The following CDH8 variants were observed in gnomAD, a reference collection of about 807,000 sequenced individuals.
The protein encoded by CDH8 is cadherin 8.
In CDH8, 17 loss-of-function variants were observed where a neutral mutation model predicts 68.1. The observed-to-expected ratio is 0.25, with a 90% CI of 0.17 to 0.37. CDH8 has a LOEUF of 0.37. CDH8 is among the 10% of genes least tolerant of loss of function. CDH8 has a pLI of 1.00. For synonymous variants in CDH8, 372 were observed against 365.1 expected (o/e 1.02, Z -0.21); for missense variants, 763 against 999.3 (o/e 0.76, Z 3.19).
At chr16:61,701,451 G>C (rs879713145) in intron 10 of CDH8, among the ~76,000 whole-genome samples, 1 of 152,084 alleles carries the variant, frequency 6.6e-6, no homozygotes, top group Non-Finnish European at 1.5e-5. Context: ...TAATGCATTT[G>C]AGATACTTTT....
At chr16:61,781,397 A>T (rs541844389) in intron 8 of CDH8, among the ~76,000 whole-genome samples, 1 of 152,238 alleles carries the variant, frequency 6.6e-6, no homozygotes, top group East Asian at 1.9e-4. Context: ...GTTAAAGACT[A>T]GCCTGGGCAA....
chr16:61,672,400 T>C (rs535380524), intron 10 of CDH8, among the ~76,000 whole-genome samples: 10 of 152,218 alleles, frequency 6.6e-5, no homozygotes, highest in Admixed American at 6.6e-4. Context: ...ACCAATCTTA[T>C]TACCTATTTG....
At chr16:61,933,873 G>C (rs977487014) in intron 2 of CDH8, among the ~76,000 whole-genome samples, 1 of 152,132 alleles carries the variant, frequency 6.6e-6, no homozygotes, top group African/African-American at 2.4e-5. Context: ...TTAATTTTAA[G>C]TAGTATAGCG....
At chr16:61,738,181 C>CTTAA (rs1959756587) in intron 8 of CDH8, among the ~76,000 whole-genome samples, 1 of 152,128 alleles carries the variant, frequency 6.6e-6, no homozygotes. Context: ...GAAAGTGACT[C>CTTAA]TTAAACAGTG....
intron 10 of CDH8, among the ~76,000 whole-genome samples, chr16:61,706,115 A>G (rs1190920271): frequency 2.6e-5 from 4 of 152,238 alleles, no homozygotes; most frequent in Admixed American, 6.5e-5. Flanking sequence ...TCCTTGAGTC[A>G]TGTGTTTGCC....
At chr16:61,791,582 C>T (rs1430928922) in intron 7 of CDH8, among the ~76,000 whole-genome samples, 1 of 151,980 alleles carries the variant, frequency 6.6e-6, no homozygotes, top group Admixed American at 6.6e-5. Flanking sequence ...TGATATTTCA[C>T]ACATCCATGC....
chr16:61,796,118 A>G (rs948523532), intron 7 of CDH8, among the ~76,000 whole-genome samples: 1 of 150,362 alleles, frequency 6.7e-6, no homozygotes, highest in Non-Finnish European at 1.5e-5. Context: ...ACATAGTACT[A>G]AAAATATGAG....
chr16:62,009,023 T>C (rs1356071567), intron 2 of CDH8, among the ~76,000 whole-genome samples: 1 of 102,540 alleles, frequency 9.8e-6, no homozygotes, highest in African/African-American at 3.0e-5. Context: ...TAGGTTCCTA[T>C]ACACACACAA....
intron 10 of CDH8, among the ~76,000 whole-genome samples, chr16:61,671,055 C>T (rs918341542): frequency 6.6e-6 from 1 of 152,044 alleles, no homozygotes; most frequent in African/African-American, 2.4e-5. Flanking sequence ...ATCCAAATTT[C>T]AACCCCATTA....
intron 8 of CDH8, among the ~76,000 whole-genome samples, chr16:61,746,405 T>C (rs1024060730): frequency 1.3e-5 from 2 of 152,000 alleles, no homozygotes; most frequent in Non-Finnish European, 2.9e-5. Flanking sequence ...CACCTCAATT[T>C]GTTTTCTTTC....
chr16:62,012,939 C>T lies in CDH8; in HGVS notation c.252+8213G>A, dbSNP rs16942589. ...CAAAACAGTGAATAGTGGTTATAGA[C>T]GTGATTTGCATTCTCTTTAAATTAA... On this transcript the variant is annotated intron_variant, in intron 2 of 11. Coordinates refer to ENST00000577390, the MANE Select transcript of CDH8 (RefSeq NM_001796.5). 9.8e-3 allele frequency among the ~76,000 whole-genome samples: 1,486 copies of T among 152,170 alleles called. 26 individuals are homozygous for T. Among genetic ancestry groups the T allele is most frequent in the African/African-American group, 0.033 (1,387 of 41,522 alleles).
Position 61,647,620 on chromosome 16 carries a change from G to T in CDH8, c.*5988C>A, listed in dbSNP as rs749118168. ...TCCCAAGAAATTAACATTTGGCTTT[G>T]GGGGGTGATCCCAATGACTCCTAAA... On this transcript the variant is annotated 3_prime_UTR_variant, in exon 12 of 12. Transcript: ENST00000577390. 2 of 551,142 alleles carry T rather than the reference G, an allele frequency of 3.6e-6. No individual in the cohort carries two copies. The highest frequency in any genetic ancestry group is 3.0e-5 in the East Asian group (1 of 32,864). The allele number at this position is 551,142 out of a possible 1,614,324, so 34.1% of individuals were successfully genotyped here. A position where few individuals can be genotyped will look rare whatever the true frequency, so the allele number is the denominator to read the frequency against.
chr16:61,984,736 T>C (rs1003955516), intron 2 of CDH8, among the ~76,000 whole-genome samples: 1 of 152,202 alleles, frequency 6.6e-6, no homozygotes, highest in African/African-American at 2.4e-5. Flanking sequence ...TATTATTTGT[T>C]TGTTGCTTAA....
At chr16:61,893,204 C>A (rs1035380218) in intron 3 of CDH8, among the ~76,000 whole-genome samples, 2 of 152,150 alleles carry the variant, frequency 1.3e-5, no homozygotes, top group African/African-American at 2.4e-5. Flanking sequence ...CAACCTTCTT[C>A]CCTGTGTGAG....
At position 61,821,102 on chromosome 16, in the gene CDH8, A is replaced by G. The variant is rs1233885281; in HGVS notation, c.847T>C (p.Phe283Leu). The stretch of plus-strand genomic sequence containing the variant: ...AGAACCACATCTTCCGGTACTGAGA[A>G]GTGATACAGGCCTTTAAAAAGAGGA... ...PPKFAQSLYHFSVPEDVVLGT... is the reference protein window; with the variant it reads ...PPKFAQSLYHLSVPEDVVLGT... Residue 283 changes from phenylalanine to leucine, a missense_variant, in exon 6 of 12, where the codon TTC becomes CTC. Physicochemically the swap from Phe to Leu is conservative, Grantham distance 22. This residue lies in a region of CDH8 where 366 missense variants were observed against 563.1 expected (regional missense o/e 0.65). Coordinates refer to ENST00000577390, the MANE Select transcript of CDH8 (RefSeq NM_001796.5). The G allele has an allele frequency of 6.2e-7, 1 of 1,609,982 alleles. No individual in the cohort carries two copies. Among genetic ancestry groups the G allele is most frequent in the Non-Finnish European group, 8.5e-7 (1 of 1,177,414 alleles).
At chr16:61,683,405 T>A (rs74023214) in intron 10 of CDH8, among the ~76,000 whole-genome samples, 3,564 of 152,098 alleles carry the variant, frequency 0.023, 140 homozygotes, top group African/African-American at 0.08. Context: ...TTTATACTTG[T>A]AAATAAGAAT....
At chr16:61,745,473 T>C (rs976677341) in intron 8 of CDH8, among the ~76,000 whole-genome samples, 1 of 151,938 alleles carries the variant, frequency 6.6e-6, no homozygotes, top group Non-Finnish European at 1.5e-5. Context: ...CTCTCTGGAG[T>C]GTCAGTTTCA....
At chr16:61,696,100 G>C (rs16963858) in intron 10 of CDH8, among the ~76,000 whole-genome samples, 21,306 of 152,152 alleles carry the variant, frequency 0.14, 1,639 homozygotes, top group African/African-American at 0.2. Context: ...ACTACAATTC[G>C]TAACTTTCTG....
intron 1 of CDH8, among the ~76,000 whole-genome samples, chr16:62,022,732 G>A (rs1386227082): frequency 2.6e-5 from 4 of 152,124 alleles, no homozygotes; most frequent in African/African-American, 9.7e-5. Flanking sequence ...CTCAGAATAA[G>A]AAAGCTAGAA....
Sources: gnomAD v4.1 joint callset for allele counts (sites outside exome capture counted in the v4.1 genomes callset) on GRCh38, gnomAD v4.1.1 for gene constraint, gnomAD v4.1.1 regional missense constraint, MANE v1.5 for transcripts, NCBI Gene and HGNC (gene_info 2026-07-23, HGNC 2026-07-21) for gene names.